Variants in LRMDA observed in about 807,000 individuals in gnomAD.
LRMDA encodes leucine-rich melanocyte differentiation-associated protein.
A neutral mutation model predicts 29.8 loss-of-function variants in LRMDA; 18 were observed. The observed-to-expected ratio is 0.60, with a 90% CI of 0.42 to 0.90. The LOEUF (loss-of-function observed/expected upper bound fraction) is 0.90, where lower values mean the gene tolerates loss of function less well. Among genes scored for constraint, LRMDA ranks in the 40% least tolerant of loss-of-function variants. The probability of loss-of-function intolerance (pLI) is 0.00; values close to 1 mark genes in which losing one functional copy is unlikely to be tolerated. For missense variants in LRMDA, 273 were observed against 273.9 expected (o/e 1.00, Z 0.02); for synonymous variants, 125 against 109.4 (o/e 1.14, Z -0.89).
intron 5 of LRMDA, among the ~76,000 whole-genome samples, chr10:76,160,788 G>C (rs1314225350): frequency 2.0e-5 from 3 of 152,094 alleles, no homozygotes; most frequent in African/African-American, 7.2e-5. Flanking sequence ...ACATAAGCAG[G>C]TTTTGCTTAC....
intron 5 of LRMDA, among the ~76,000 whole-genome samples, chr10:76,222,036 T>C (rs996321756): frequency 5.3e-5 from 8 of 152,092 alleles, no homozygotes; most frequent in African/African-American, 7.3e-5. Context: ...CCCTATTTAA[T>C]AAATGGTGCT....
intron 5 of LRMDA, among the ~76,000 whole-genome samples, chr10:76,076,978 C>T (rs986906141): frequency 1.3e-5 from 2 of 152,214 alleles, no homozygotes; most frequent in African/African-American, 2.4e-5. Context: ...GTTACCTGGA[C>T]TTCTCCACAC....
chr10:75,972,558 A>T (rs996534627), intron 2 of LRMDA, among the ~76,000 whole-genome samples: 1 of 151,572 alleles, frequency 6.6e-6, no homozygotes, highest in Admixed American at 6.6e-5. Flanking sequence ...CTTTTTTTTT[A>T]CTGTTATCTT....
chr10:75,489,162 C>A (rs772214962), intron 2 of LRMDA, among the ~76,000 whole-genome samples: 10 of 147,764 alleles, frequency 6.8e-5, no homozygotes, highest in Non-Finnish European at 1.2e-4. Flanking sequence ...AGAGTTAGGA[C>A]ATCTCACTGT....
At chr10:75,558,067 C>T (rs12248239) in intron 2 of LRMDA, among the ~76,000 whole-genome samples, 2,253 of 152,098 alleles carry the variant, frequency 0.015, 60 homozygotes, top group African/African-American at 0.051. Flanking sequence ...AAACAACACT[C>T]ATGCCCCCTT....
At chr10:75,967,367 C>A (rs530673220) in intron 2 of LRMDA, among the ~76,000 whole-genome samples, 5 of 152,132 alleles carry the variant, frequency 3.3e-5, no homozygotes, top group Non-Finnish European at 5.9e-5. Flanking sequence ...ATTGAATTAA[C>A]AATCTGACTT....
At chr10:76,380,677 A>T (rs917344820) in intron 6 of LRMDA, among the ~76,000 whole-genome samples, 6 of 151,110 alleles carry the variant, frequency 4.0e-5, no homozygotes, top group African/African-American at 1.2e-4. Flanking sequence ...TCATAAAAAA[A>T]AAAAAAAAAA....
intron 6 of LRMDA, among the ~76,000 whole-genome samples, chr10:76,501,427 A>G (rs1488488482): frequency 1.3e-5 from 2 of 151,882 alleles, no homozygotes; most frequent in Non-Finnish European, 2.9e-5. Context: ...GCTCCGTTTT[A>G]TGTTCTTTGA....
chr10:76,508,830 G>T (rs997916628), intron 6 of LRMDA, among the ~76,000 whole-genome samples: 55 of 152,224 alleles, frequency 3.6e-4, no homozygotes, highest in African/African-American at 1.2e-3. Flanking sequence ...GAGAACTCAA[G>T]AAGTTAAATA....
In LRMDA at chr10:76,557,369, A is replaced by G. The variant is rs1244661904; in HGVS notation, c.*81A>G. 8.5e-7 allele frequency: 1 copy of G among 1,172,396 alleles called. No homozygotes were observed. Among genetic ancestry groups the G allele is most frequent in the East Asian group, 2.4e-5 (1 of 42,446 alleles). The allele number at this position is 1,172,396 out of a possible 1,614,324, so 72.6% of individuals were successfully genotyped here. A position where few individuals can be genotyped will look rare whatever the true frequency, so the allele number is the denominator to read the frequency against. On this transcript the variant is annotated 3_prime_UTR_variant, in exon 7 of 7. Coordinates refer to ENST00000611255, the MANE Select transcript of LRMDA (RefSeq NM_001305581.2). ...CAAAAATAAAGAAAACGCTAAAGAAAAAACAATAGCCCACATTGCCTCTCT... is the reference window on the plus strand; with the variant it reads ...CAAAAATAAAGAAAACGCTAAAGAAGAAACAATAGCCCACATTGCCTCTCT...
At chr10:76,506,289 T>G (rs953364979) in intron 6 of LRMDA, among the ~76,000 whole-genome samples, 1 of 152,196 alleles carries the variant, frequency 6.6e-6, no homozygotes, top group African/African-American at 2.4e-5. Flanking sequence ...GCCAATTTAA[T>G]ATAATGTCCT....
chr10:76,119,319 A>T (rs1370943580), intron 5 of LRMDA, among the ~76,000 whole-genome samples: 1 of 152,062 alleles, frequency 6.6e-6, no homozygotes, highest in Non-Finnish European at 1.5e-5. Flanking sequence ...GGCAGCATAG[A>T]TTGCTTCTGC....
At chr10:76,077,375 T>C (rs1848976900) in intron 5 of LRMDA, among the ~76,000 whole-genome samples, 1 of 152,206 alleles carries the variant, frequency 6.6e-6, no homozygotes, top group Non-Finnish European at 1.5e-5. Flanking sequence ...ATCTTCAAGC[T>C]ATAGGAAAAT....
At chr10:76,422,136 T>C (rs900152450) in intron 6 of LRMDA, among the ~76,000 whole-genome samples, 4 of 151,914 alleles carry the variant, frequency 2.6e-5, no homozygotes, top group African/African-American at 9.7e-5. Flanking sequence ...ATATCTTCAG[T>C]CTAATTTTGT....
intron 5 of LRMDA, among the ~76,000 whole-genome samples, chr10:76,061,266 C>T (rs1332793127): frequency 2.6e-5 from 4 of 152,112 alleles, no homozygotes; most frequent in Non-Finnish European, 4.4e-5. Flanking sequence ...CAAACTAATG[C>T]AGGAACAGAA....
chr10:76,309,224 G>A (rs1589421392), intron 5 of LRMDA, among the ~76,000 whole-genome samples: 1 of 152,146 alleles, frequency 6.6e-6, no homozygotes, highest in Admixed American at 6.5e-5. Flanking sequence ...CAGCGGGGAG[G>A]AGGGGATGAA....
intron 6 of LRMDA, among the ~76,000 whole-genome samples, chr10:76,442,864 A>G (rs565684195): frequency 6.6e-6 from 1 of 152,308 alleles, no homozygotes; most frequent in African/African-American, 2.4e-5. Context: ...AATATAGAAC[A>G]TTTTAATTTC....
chr10:75,772,883 T>G (rs1843263434), intron 2 of LRMDA, among the ~76,000 whole-genome samples: 1 of 147,180 alleles, frequency 6.8e-6, no homozygotes, highest in African/African-American at 2.5e-5. Flanking sequence ...GGGGGGCAGA[T>G]TAATCAGGGA....
At chr10:76,248,091 C>G (rs577869809) in intron 5 of LRMDA, among the ~76,000 whole-genome samples, 1 of 152,084 alleles carries the variant, frequency 6.6e-6, no homozygotes, top group African/African-American at 2.4e-5. Flanking sequence ...ATGATCTTAC[C>G]CCAATAGTCC....
Sources: allele counts gnomAD v4.1 joint callset (sites outside exome capture counted in the v4.1 genomes callset), GRCh38; gene constraint gnomAD v4.1.1; transcripts MANE v1.5; gene names NCBI Gene and HGNC (gene_info 2026-07-23, HGNC 2026-07-21).